Variants in CNIH1 observed in about 807,000 individuals in gnomAD.
The protein encoded by CNIH1 is protein cornichon homolog 1.
In CNIH1, 12 loss-of-function variants were observed where a neutral mutation model predicts 20.2. The observed-to-expected ratio is 0.59, with a 90% CI of 0.38 to 0.96. The LOEUF is 0.96. CNIH1 is among the 40% of genes least tolerant of loss of function. The probability of loss-of-function intolerance (pLI) is 0.00; values close to 1 mark genes in which losing one functional copy is unlikely to be tolerated. For missense variants in CNIH1, 152 were observed against 178.8 expected, an observed-to-expected ratio of 0.85 and a Z score of 0.85; for synonymous variants, 69 against 63.3, an observed-to-expected ratio of 1.09 and a Z score of -0.43.
Position 54,436,444 on chromosome 14 carries a change from T to A in CNIH1, c.82-7A>T. ...GCTCATCAAATGCTATAATCTAAAATAAAATTAAAACAGTTAGGACCACTC... is the reference window on the plus strand; with the variant it reads ...GCTCATCAAATGCTATAATCTAAAAAAAAATTAAAACAGTTAGGACCACTC... On this transcript the variant is annotated splice_polypyrimidine_tract_variant and splice_region_variant and intron_variant, in intron 1 of 4. Transcript: ENST00000216416. The A allele has an allele frequency of 6.6e-7, 1 of 1,519,152 alleles. No individual in the cohort carries two copies. The highest frequency in any genetic ancestry group is 9.1e-7 in the Non-Finnish European group (1 of 1,096,260). 94.1% of individuals were successfully genotyped at this position (1,519,152 alleles called of 1,614,324 possible).
At chr14:54,432,838 G>A (rs937954023) in intron 2 of CNIH1, among the ~76,000 whole-genome samples, 2 of 152,170 alleles carry the variant, frequency 1.3e-5, no homozygotes, top group Admixed American at 6.5e-5. Flanking sequence ...TGCAATGTAG[G>A]AGGGAAAAGA....
At position 54,427,688 on chromosome 14, in the gene CNIH1, G is replaced by C; in HGVS notation, c.*126C>G. The C allele has an allele frequency of 1.1e-6, 1 of 939,426 alleles. No homozygotes were observed. The highest frequency in any genetic ancestry group is 1.5e-5 in the South Asian group (1 of 65,124). 58.2% of individuals were successfully genotyped at this position (939,426 alleles called of 1,614,324 possible). ...TGTGGAAACATTTAAAAAATAAGGAGTCATTTTTTAAAGTAACTGATCAGA... is the reference window on the plus strand; with the variant it reads ...TGTGGAAACATTTAAAAAATAAGGACTCATTTTTTAAAGTAACTGATCAGA... On this transcript the variant is annotated 3_prime_UTR_variant, in exon 5 of 5. Coordinates refer to ENST00000216416, the MANE Select transcript of CNIH1 (RefSeq NM_005776.3).
rs1026880663 is a variant in CNIH1 at position 54,426,407 on chromosome 14, A to G, written c.*1407T>C. On this transcript the variant is annotated 3_prime_UTR_variant, in exon 5 of 5. Transcript: ENST00000216416. Reference sequence around the variant, plus strand: ...GTAAGATTTCCACAAACGCATCCATAAACTTCCTTGATCATGTGAAATTTC... The same window carrying G: ...GTAAGATTTCCACAAACGCATCCATGAACTTCCTTGATCATGTGAAATTTC... 2.6e-5 allele frequency: 4 copies of G among 152,216 alleles called. No individual in the cohort carries two copies. Among genetic ancestry groups the G allele is most frequent in the Non-Finnish European group, 5.9e-5 (4 of 68,020 alleles). The allele number at this position is 152,216 out of a possible 1,614,324, so 9.4% of individuals were successfully genotyped here.
Position 54,427,590 on chromosome 14 carries a change from A to C in CNIH1, c.*224T>G, listed in dbSNP as rs868680965. On this transcript the variant is annotated 3_prime_UTR_variant, in exon 5 of 5. Coordinates refer to ENST00000216416, the MANE Select transcript of CNIH1 (RefSeq NM_005776.3). Reference sequence around the variant, plus strand: ...ACACCAGAGGTAATCATTTTATATTAATTTATACGTAATACCATTTAAAAT... The same window carrying C: ...ACACCAGAGGTAATCATTTTATATTCATTTATACGTAATACCATTTAAAAT... 1.9e-5 allele frequency: 10 copies of C among 539,782 alleles called. No individual in the cohort carries two copies. Among genetic ancestry groups the C allele is most frequent in the African/African-American group, 1.1e-4 (6 of 52,798 alleles). 33.4% of individuals were successfully genotyped at this position (539,782 alleles called of 1,614,324 possible).
chr14:54,430,234 A>T, intron 4 of CNIH1, 27 bp downstream of exon 4: 1 of 1,609,530 alleles, frequency 6.2e-7, no homozygotes, highest in Non-Finnish European at 8.5e-7. Context: ...AAGTGAAAGC[A>T]TATTTCATTT....
intron 1 of CNIH1, among the ~76,000 whole-genome samples, chr14:54,437,756 T>G (rs61985908): frequency 0.064 from 9,738 of 152,152 alleles, 530 homozygotes; most frequent in East Asian, 0.28. Context: ...AAAACATACA[T>G]GTGTAATTAG....
intron 1 of CNIH1, among the ~76,000 whole-genome samples, chr14:54,438,628 C>T (rs1006187740): frequency 1.3e-5 from 2 of 152,170 alleles, no homozygotes; most frequent in Non-Finnish European, 2.9e-5. Context: ...TAATCATCAG[C>T]ATAAAAAACA....
rs2030963912 is a variant in CNIH1 at position 54,432,209 on chromosome 14, T to C, written c.162A>G (p.Pro54=). 2 of 1,540,400 alleles carry C rather than the reference T, an allele frequency of 1.3e-6. No homozygotes were observed. The change falls in exon 3 of 5, where the codon CCA becomes CCG. Residue 54 remains proline (P), a synonymous_variant. Coordinates refer to ENST00000216416, the MANE Select transcript of CNIH1 (RefSeq NM_005776.3). Reference sequence around the variant, plus strand: ...AGAAGAAAGCGTGGATGAGGTACTCTGGGAGTACAAGCTGGAAGGAAAACA... The same window carrying C: ...AGAAGAAAGCGTGGATGAGGTACTCCGGGAGTACAAGCTGGAAGGAAAACA... The part of the protein sequence containing the change: ...QCNTLNPLVL[P]EYLIHAFFCV...
At chr14:54,429,346 C>A (rs1026597702) in intron 4 of CNIH1, among the ~76,000 whole-genome samples, 1 of 152,164 alleles carries the variant, frequency 6.6e-6, no homozygotes, top group Non-Finnish European at 1.5e-5. Context: ...TGCTGCTGAA[C>A]GTCCCATGAT....
At chr14:54,428,949 T>G (rs11848049) in intron 4 of CNIH1, among the ~76,000 whole-genome samples, 8,693 of 152,276 alleles carry the variant, frequency 0.057, 583 homozygotes, top group African/African-American at 0.15. Flanking sequence ...TAAGCCTATC[T>G]TAGCAAGTTT....
chr14:54,438,792 G>C (rs2031106961), intron 1 of CNIH1, among the ~76,000 whole-genome samples: 1 of 152,188 alleles, frequency 6.6e-6, no homozygotes, highest in East Asian at 1.9e-4. Flanking sequence ...TGTTGGAGGC[G>C]GGATCTAACG....
chr14:54,433,680 T>C (rs1188913926), intron 2 of CNIH1, among the ~76,000 whole-genome samples: 1 of 152,186 alleles, frequency 6.6e-6, no homozygotes, highest in Non-Finnish European at 1.5e-5. Flanking sequence ...AGACGTTGTC[T>C]TTAAAATATA....
intron 1 of CNIH1, among the ~76,000 whole-genome samples, chr14:54,437,440 G>A (rs1262900753): frequency 2.0e-5 from 3 of 147,880 alleles, no homozygotes; most frequent in East Asian, 1.9e-4. Flanking sequence ...ATAAAAAGAC[G>A]GTTTTTTTAA....
At position 54,429,442 on chromosome 14, in the gene CNIH1, A is replaced by G. The variant is rs2030888934; in HGVS notation, c.407+819T>C. ...CTGAGACACCCTGACCTAGAGGAAC[A>G]ATGAGTCCATGAGAGTATAAAAGGA... On this transcript the variant is annotated intron_variant, in intron 4 of 4. Transcript: ENST00000216416. 2.0e-5 allele frequency among the ~76,000 whole-genome samples: 3 copies of G among 152,234 alleles called. No homozygotes were observed. The South Asian group carries it at 6.2e-4, about 32-fold the overall frequency.
At position 54,432,131 on chromosome 14, in the gene CNIH1, G is replaced by T. The variant is rs1409423310; in HGVS notation, c.240C>A (p.Pro80=). Residue 80 remains proline, a synonymous_variant, in exon 3 of 5, where the codon CCC becomes CCA. Coordinates refer to ENST00000216416, the MANE Select transcript of CNIH1 (RefSeq NM_005776.3). ...AEWLTLGLNM[P]LLAYHIWRYM... is the part of the protein sequence containing the mutation. ...ACCTCCAAATATGATATGCCAAGAG[G>T]GGCATATTGAGACCCAGTGTAAGCC... 1 of 1,541,206 alleles carries T rather than the reference G, an allele frequency of 6.5e-7. No homozygotes were observed. Among genetic ancestry groups the T allele is most frequent in the Non-Finnish European group, 8.8e-7 (1 of 1,140,888 alleles).
chr14:54,438,587 A>G (rs1013244632), intron 1 of CNIH1, among the ~76,000 whole-genome samples: 6 of 152,248 alleles, frequency 3.9e-5, no homozygotes, highest in African/African-American at 1.4e-4. Context: ...CAGAGCATCA[A>G]TGACATGAAT....
chr14:54,437,694 A>C (rs2031082460), intron 1 of CNIH1, among the ~76,000 whole-genome samples: 2 of 151,850 alleles, frequency 1.3e-5, no homozygotes, highest in African/African-American at 4.8e-5. Flanking sequence ...AAAAAAATGC[A>C]GAACTCACCA....
intron 3 of CNIH1, among the ~76,000 whole-genome samples, chr14:54,431,502 A>G (rs928746676): frequency 9.2e-5 from 14 of 152,202 alleles, no homozygotes; most frequent in African/African-American, 2.9e-4. Context: ...CTTCTTCAGT[A>G]TATGTCTCCT....
intron 1 of CNIH1, chr14:54,436,797 A>C (rs1037818134): frequency 2.3e-6 from 1 of 443,590 alleles, no homozygotes; most frequent in Non-Finnish European, 4.4e-6. Flanking sequence ...TAAAAAAAAA[A>C]CAAACCTTCC....
Sources: gnomAD v4.1 joint callset for allele counts (sites outside exome capture counted in the v4.1 genomes callset) on GRCh38, gnomAD v4.1.1 for gene constraint, MANE v1.5 for transcripts, NCBI Gene and HGNC (gene_info 2026-07-23, HGNC 2026-07-21) for gene names.